SUGCT: variants seen among roughly 807,000 people sequenced by gnomAD.
SUGCT encodes succinyl-CoA:glutarate CoA-transferase.
SUGCT carries 41 observed loss-of-function variants against 55.0 expected under a neutral mutation model. The ratio of observed to expected loss-of-function variants is 0.74; its 90% confidence interval spans 0.58 to 0.97. The LOEUF is 0.97. SUGCT is among the 50% of genes least tolerant of loss of function. The pLI is 0.00. For missense variants in SUGCT, 568 were observed against 547.8 expected (o/e 1.04, Z -0.37); for synonymous variants, 187 against 200.4 (o/e 0.93, Z 0.56).
intron 12 of SUGCT, among the ~76,000 whole-genome samples, chr7:40,688,253 C>T (rs1193651626): frequency 6.6e-6 from 1 of 152,180 alleles, no homozygotes; most frequent in Admixed American, 6.5e-5. Context: ...CAGTCTTTCT[C>T]TGTTACACAG....
the SUGCT span, among the ~76,000 whole-genome samples, chr7:40,955,969 G>A: frequency 4.4e-4 from 67 of 152,262 alleles, 1 homozygote; most frequent in East Asian, 0.012. Flanking sequence ...TGTATCACAG[G>A]GATGAAGCCA....
At chr7:40,699,452 T>G (rs2128660202) in intron 12 of SUGCT, among the ~76,000 whole-genome samples, 1 of 152,318 alleles carries the variant, frequency 6.6e-6, no homozygotes, top group South Asian at 2.1e-4. Flanking sequence ...AGACCCACCC[T>G]AGAGTTGGCT....
rs776733346 is a variant in SUGCT at position 40,570,850 on chromosome 7, C to CTTTT, written c.1089+74488_1089+74491dup. Among the ~76,000 whole-genome samples, 266 of 52,306 alleles carry CTTTT rather than the reference C, an allele frequency of 5.1e-3. 58 individuals are homozygous for CTTTT. The highest frequency in any genetic ancestry group is 0.018 in the African/African-American group (208 of 11,530). 34.3% of individuals were successfully genotyped at this position (52,306 alleles called of 152,430 possible). On this transcript the variant is annotated intron_variant, in intron 12 of 13. Transcript: ENST00000335693. ...CCCCTCTGGGCAAAAGCTTTAGGCT[C>CTTTT]TTTTTTTTTTTTTTTTTTTTTTTTT...
chr7:40,189,394 CAT>C (rs1785750212), intron 4 of SUGCT, 148 bp from the exon 5 acceptor site: 1 of 110,992 alleles, frequency 9.0e-6, no homozygotes, highest in Non-Finnish European at 1.5e-5. Flanking sequence ...TTTTAATACA[CAT>C]ACTTTTTTTT....
chr7:40,658,680 G>A (rs1219634320), intron 12 of SUGCT, among the ~76,000 whole-genome samples: 3 of 152,128 alleles, frequency 2.0e-5, no homozygotes, highest in African/African-American at 7.2e-5. Context: ...GAATTGTCTT[G>A]GGATAGGCTT....
chr7:40,512,653 A>T (rs576766630), intron 12 of SUGCT, among the ~76,000 whole-genome samples: 10 of 150,890 alleles, frequency 6.6e-5, no homozygotes, highest in African/African-American at 1.7e-4. Flanking sequence ...AATGATGGAA[A>T]TTTTTTTTTT....
intron 6 of SUGCT, 36 bp downstream of exon 6, chr7:40,195,096 T>A: frequency 6.4e-7 from 1 of 1,561,888 alleles, no homozygotes; most frequent in Non-Finnish European, 8.7e-7. Flanking sequence ...GTTAAAAGGT[T>A]TTCCAGTTTC....
chr7:40,618,280 C>A (rs1325619732), intron 12 of SUGCT, among the ~76,000 whole-genome samples: 1 of 152,134 alleles, frequency 6.6e-6, no homozygotes, highest in Non-Finnish European at 1.5e-5. Flanking sequence ...TTATTTATGG[C>A]AAGTCCATCT....
chr7:40,228,343 T>C (rs1303656864), intron 6 of SUGCT, among the ~76,000 whole-genome samples: 1 of 152,208 alleles, frequency 6.6e-6, no homozygotes, highest in African/African-American at 2.4e-5. Flanking sequence ...TCTTAAGACT[T>C]TAAATTTATA....
chr7:40,835,807 C>T (rs1392531706), intron 13 of SUGCT, among the ~76,000 whole-genome samples: 1 of 152,100 alleles, frequency 6.6e-6, no homozygotes, highest in East Asian at 1.9e-4. Flanking sequence ...CCCCCAATTG[C>T]CAGATCCATC....
chr7:40,258,018 G>A (rs755902284), intron 7 of SUGCT, among the ~76,000 whole-genome samples: 2 of 152,194 alleles, frequency 1.3e-5, no homozygotes, highest in African/African-American at 2.4e-5. Context: ...ACCAGGGATG[G>A]TGTCCCAGGC....
chr7:40,415,970 T>C (rs1010490751), intron 9 of SUGCT, among the ~76,000 whole-genome samples: 1 of 152,102 alleles, frequency 6.6e-6, no homozygotes, highest in African/African-American at 2.4e-5. Context: ...AACATTAACA[T>C]CATTTTAACT....
Position 40,135,127 on chromosome 7 carries a change from T to C in SUGCT, c.100+7T>C. 6.5e-7 allele frequency: 1 copy of C among 1,548,490 alleles called. No individual in the cohort carries two copies. The highest frequency in any genetic ancestry group is 8.7e-7 in the Non-Finnish European group (1 of 1,146,982). ...ACTGGCCGCCCGCAGTCAGGTACCC[T>C]CCGAGATTCGGTCTGGGTGGCTAAA... On this transcript the variant is annotated splice_region_variant and intron_variant, in intron 1 of 13. Transcript: ENST00000335693.
intron 13 of SUGCT, among the ~76,000 whole-genome samples, chr7:40,754,899 A>G (rs1280832232): frequency 6.6e-6 from 1 of 152,238 alleles, no homozygotes; most frequent in Non-Finnish European, 1.5e-5. Context: ...ATTTGAACAA[A>G]TAGCTTTTTA....
intron 1 of SUGCT, among the ~76,000 whole-genome samples, chr7:40,169,685 G>A (rs1410190486): frequency 2.0e-5 from 3 of 151,950 alleles, no homozygotes; most frequent in South Asian, 2.1e-4. Flanking sequence ...CCAGCCTTTC[G>A]CTTTTCCAAA....
rs1163030186 is a variant in SUGCT at position 40,628,466 on chromosome 7, G to T, written c.1090-120968G>T. Among the ~76,000 whole-genome samples, 4 of 152,080 alleles carry T rather than the reference G, an allele frequency of 2.6e-5. No homozygotes were observed. The East Asian group carries it at 7.7e-4, about 29-fold the overall frequency. On this transcript the variant is annotated intron_variant, in intron 12 of 13. Transcript: ENST00000335693. ...AATCAGAGTATGCCATTTAAATTGG[G>T]GGTTCCTGTCAGGTGGGACATCTAG...
At chr7:41,019,564 T>G in the SUGCT span, among the ~76,000 whole-genome samples, 1 of 152,256 alleles carries the variant, frequency 6.6e-6, no homozygotes, top group African/African-American at 2.4e-5. Flanking sequence ...AAGATTGGTC[T>G]GAAAATTCAC....
At chr7:40,213,225 A>G (rs553932297) in intron 6 of SUGCT, among the ~76,000 whole-genome samples, 2 of 152,326 alleles carry the variant, frequency 1.3e-5, no homozygotes, top group East Asian at 3.9e-4. Flanking sequence ...CCAGGATCCA[A>G]TCCAGCATGT....
the SUGCT span, among the ~76,000 whole-genome samples, chr7:40,907,132 TG>T: frequency 2.0e-5 from 1 of 49,712 alleles, no homozygotes. Context: ...TGTGTGTGTG[TG>T]TGTGTGTGAG....
Sources: gnomAD v4.1 joint callset for allele counts (sites outside exome capture counted in the v4.1 genomes callset) on GRCh38, gnomAD v4.1.1 for gene constraint, MANE v1.5 for transcripts, NCBI Gene and HGNC (gene_info 2026-07-23, HGNC 2026-07-21) for gene names.